HSPG2: variants seen among roughly 807,000 people sequenced by gnomAD.
The protein encoded by HSPG2 is basement membrane-specific heparan sulfate proteoglycan core protein.
In HSPG2, 278 loss-of-function variants were observed where a neutral mutation model predicts 526.6. The ratio of observed to expected loss-of-function variants is 0.53; its 90% CI spans 0.48 to 0.58. The LOEUF (loss-of-function observed/expected upper bound fraction) is 0.58. Ranked by LOEUF, HSPG2 falls within the 20% of genes least tolerant of loss-of-function variation. The probability of loss-of-function intolerance (pLI) is 0.00; values close to 1 mark genes in which losing one functional copy is unlikely to be tolerated. For missense variants in HSPG2, 5,354 were observed against 6,099.5 expected, an observed-to-expected ratio of 0.88 and a Z score of 4.07; for synonymous variants, 2,465 against 2,555.4, an observed-to-expected ratio of 0.96 and a Z score of 1.07.
At position 21,846,169 on chromosome 1, in the gene HSPG2, G is replaced by A; in HGVS notation, c.8403C>T (p.Pro2801=). ...TGGTGACCAGGACTGAGGCCTCCAG[G>A]GGGCCAGAGCTGCCCATCACCCGGC... ...YVCRVMGSSG[P]LEASVLVTIE... is the part of the protein sequence containing the mutation. The change falls in exon 64 of 97, where the codon CCC becomes CCT. Residue 2801 remains proline (P), a synonymous_variant. Coordinates refer to ENST00000374695, the MANE Select transcript of HSPG2 (RefSeq NM_005529.7). 2 of 1,613,128 alleles carry A rather than the reference G, an allele frequency of 1.2e-6. No homozygotes were observed. Among genetic ancestry groups the A allele is most frequent in the Non-Finnish European group, 1.7e-6 (2 of 1,180,034 alleles).
At chr1:21,880,902 G>A (rs1572345630) in intron 14 of HSPG2, 67 bp from the exon 15 acceptor site, 3 of 1,455,066 alleles carry the variant, frequency 2.1e-6, no homozygotes, top group South Asian at 1.2e-5. Context: ...CCTATGAGGT[G>A]CCTATAGTCT....
chr1:21,932,513 C>T (rs568263950), intron 1 of HSPG2, among the ~76,000 whole-genome samples: 1 of 152,186 alleles, frequency 6.6e-6, no homozygotes, highest in East Asian at 1.9e-4. Flanking sequence ...TGAACAAAAA[C>T]AAATGAGGTC....
In HSPG2 at chr1:21,823,442, T is replaced by C. The variant is rs897467; in HGVS notation, c.13050A>G (p.Ser4350=). ...VATLTGGRFS[S]GITGCVKNLV... is the part of the protein sequence containing the mutation. Reference sequence around the variant, plus strand: ...GGTTCTTGACACAGCCTGTGATGCCTGAGGAGAATCTGCCCCCGGTCAGCG... The same window carrying C: ...GGTTCTTGACACAGCCTGTGATGCCCGAGGAGAATCTGCCCCCGGTCAGCG... The change falls in exon 97 of 97, where the codon TCA becomes TCG. Residue 4350 remains serine, a synonymous_variant. Coordinates refer to ENST00000374695, the MANE Select transcript of HSPG2 (RefSeq NM_005529.7). The C allele has an allele frequency of 0.82, 1,299,055 of 1,589,942 alleles. 531,358 individuals carry two copies. The highest frequency in any genetic ancestry group is 0.86 in the Middle Eastern group (5,212 of 6,048).
rs2098038901 is a variant in HSPG2 at position 21,839,214 on chromosome 1, C to T, written c.9890-129G>A. Reference sequence around the variant, plus strand: ...GACTGGGGATAAGGAAAGCAAAGGTCCCAGGCCAGGGTGTGGGTGTCGGGC... The same window carrying T: ...GACTGGGGATAAGGAAAGCAAAGGTTCCAGGCCAGGGTGTGGGTGTCGGGC... On this transcript the variant is annotated intron_variant, in intron 73 of 96. Transcript: ENST00000374695. This position sits in a 1 kb window ranked among gnomAD's most constrained non-coding sequence, Gnocchi z 4.5. The T allele has an allele frequency of 1.2e-5, 17 of 1,447,880 alleles. No homozygotes were observed. The highest frequency in any genetic ancestry group is 1.5e-5 in the Non-Finnish European group (16 of 1,059,100). 89.7% of individuals were successfully genotyped at this position (1,447,880 alleles called of 1,614,324 possible).
At chr1:21,896,019 T>C in intron 2 of HSPG2, 53 bp from the exon 3 acceptor site, 1 of 1,600,262 alleles carries the variant, frequency 6.2e-7, no homozygotes, top group Non-Finnish European at 8.6e-7. Context: ...GTTGAGTACC[T>C]ACTGGGTGTC....
At position 21,848,857 on chromosome 1, in the gene HSPG2, G is replaced by T; in HGVS notation, c.7585+36C>A. The T allele has an allele frequency of 6.2e-7, 1 of 1,613,132 alleles. No homozygotes were observed. The highest frequency in any genetic ancestry group is 1.1e-5 in the South Asian group (1 of 91,078). On this transcript the variant is annotated intron_variant, in intron 58 of 96. Coordinates refer to ENST00000374695, the MANE Select transcript of HSPG2 (RefSeq NM_005529.7). The surrounding 1 kb of genome is among the most constrained non-coding windows in gnomAD (Gnocchi z 4.9). The stretch of plus-strand genomic sequence containing the variant: ...CTGAGGGTGCAGTCGGGGTCCCCCA[G>T]CCCTCCACCATTTGCATGACCCCCG...
rs1293812330 is a variant in HSPG2 at position 21,860,098 on chromosome 1, C to A, written c.5014+79G>T. On this transcript the variant is annotated intron_variant, in intron 40 of 96. Transcript: ENST00000374695. Reference sequence around the variant, plus strand: ...GGGGTACCCCACCCTCAGCCCTGTCCCCAGACCCAGTATCCCCCAAATTCC... The same window carrying A: ...GGGGTACCCCACCCTCAGCCCTGTCACCAGACCCAGTATCCCCCAAATTCC... The A allele has an allele frequency of 3.1e-6, 5 of 1,603,196 alleles. No individual in the cohort carries two copies. The African/African-American group carries it at 6.7e-5, about 21-fold the overall frequency.
rs538939194 is a variant in HSPG2, at chr1:21,904,241, T to A, written c.64-7931A>T. Among the ~76,000 whole-genome samples the A allele has an allele frequency of 9.2e-5, 14 of 152,154 alleles. No individual in the cohort carries two copies. The highest frequency in any genetic ancestry group is 6.2e-4 in the South Asian group (3 of 4,824). On this transcript the variant is annotated intron_variant, in intron 1 of 96. Coordinates refer to ENST00000374695, the MANE Select transcript of HSPG2 (RefSeq NM_005529.7). This position sits in a 1 kb window ranked among gnomAD's most constrained non-coding sequence, Gnocchi z 4.4. ...GGTGGCTGGGAGGCTGGGGAAGATT[T>A]CCAGAAGAAATGCTAACTCAGCTGG...
rs191644133 is a variant in HSPG2, at chr1:21,865,854, T to C, written c.4222-45A>G. On this transcript the variant is annotated intron_variant, in intron 33 of 96. Coordinates refer to ENST00000374695, the MANE Select transcript of HSPG2 (RefSeq NM_005529.7). This position sits in a 1 kb window ranked among gnomAD's most constrained non-coding sequence, Gnocchi z 5.4. ...GAGGTCACAGGCTGACCTTGGGGTG[T>C]GAGTGTTGGACCATATAGGTGAGGG... is the stretch of plus-strand genomic sequence containing the variant. The C allele has an allele frequency of 2.7e-6, 4 of 1,472,880 alleles. No homozygotes were observed. In the East Asian group the frequency reaches 6.8e-5, roughly 25 times the overall value. 91.2% of individuals were successfully genotyped at this position (1,472,880 alleles called of 1,614,324 possible).
chr1:21,924,469 G>C (rs1644130693), intron 1 of HSPG2, among the ~76,000 whole-genome samples: 1 of 152,156 alleles, frequency 6.6e-6, no homozygotes, highest in African/African-American at 2.4e-5. Flanking sequence ...TCAGGCCCCA[G>C]AGAATGGAAC....
At position 21,836,849 on chromosome 1, in the gene HSPG2, T is replaced by A; in HGVS notation, c.10308A>T (p.Glu3436Asp). 1 of 1,582,518 alleles carries A rather than the reference T, an allele frequency of 6.3e-7. No individual in the cohort carries two copies. ...TGTGACCCGGAGGCAGCTGACCCCC[T>A]TCCTTGAACCAACGGAGCTGGGTAC... ...DRGTQLRWFKEGGQLPPGHSV... is the reference protein window; with the variant it reads ...DRGTQLRWFKDGGQLPPGHSV... Residue 3436 changes from glutamate to aspartate, a missense_variant, in exon 75 of 97, where the codon GAA becomes GAT. Transcript: ENST00000374695.
rs1394022285 is a variant in HSPG2 at position 21,887,010 on chromosome 1, T to TACA, written c.1078+204_1078+205insTGT. Among the ~76,000 whole-genome samples, 2 of 152,094 alleles carry TACA rather than the reference T, an allele frequency of 1.3e-5. No homozygotes were observed. The highest frequency in any genetic ancestry group is 4.8e-5 in the African/African-American group (2 of 41,406). On this transcript the variant is annotated intron_variant, in intron 9 of 96. Coordinates refer to ENST00000374695, the MANE Select transcript of HSPG2 (RefSeq NM_005529.7). This position sits in a 1 kb window ranked among gnomAD's most constrained non-coding sequence, Gnocchi z 5.0. ...AGGCCAGCTCAGGGCCAAGGGGCCT[T>TACA]ACGGCTCTGGTTAGAGATAAACCTT...
In HSPG2 at chr1:21,846,513, G is replaced by C; in HGVS notation, c.8251C>G (p.Pro2751Ala). Residue 2751 changes from proline to alanine, a missense_variant, in exon 63 of 97, where the codon CCC becomes GCC. Transcript: ENST00000374695. ...GETLDLNCVVPGQAHAQVTWH... is the reference protein window; with the variant it reads ...GETLDLNCVVAGQAHAQVTWH... Reference sequence around the variant, plus strand: ...GTGACCTGGGCATGGGCCTGCCCGGGGACCACGCAGTTCAGATCCAGGGTC... The same window carrying C: ...GTGACCTGGGCATGGGCCTGCCCGGCGACCACGCAGTTCAGATCCAGGGTC... 6.2e-7 allele frequency: 1 copy of C among 1,613,772 alleles called. No individual in the cohort carries two copies. The highest frequency in any genetic ancestry group is 8.5e-7 in the Non-Finnish European group (1 of 1,180,044).
rs556700159 is a variant in HSPG2, at chr1:21,847,459, A to G, written c.8059T>C (p.Ser2687Pro). The G allele has an allele frequency of 3.1e-6, 5 of 1,613,600 alleles. No individual in the cohort carries two copies. The East Asian group carries it at 8.9e-5, about 29-fold the overall frequency. Residue 2687 changes from serine (S) to proline (P), a missense_variant, in exon 62 of 97, where the codon TCT becomes CCT. By Grantham distance (74) the Ser-to-Pro change is moderately conservative (BLOSUM62 -1). Coordinates refer to ENST00000374695, the MANE Select transcript of HSPG2 (RefSeq NM_005529.7). The surrounding 1 kb of genome is among the most constrained non-coding windows in gnomAD (Gnocchi z 4.1). ...HGSHLRLHQM[S>P]VADSGEYVCR... The stretch of plus-strand genomic sequence containing the variant: ...ACATACTCGCCCGAGTCAGCCACAG[A>G]CATTTGGTGCAACCGCAGGTGGGAG...
intron 1 of HSPG2, among the ~76,000 whole-genome samples, chr1:21,935,672 T>C (rs1644469975): frequency 6.6e-6 from 1 of 152,138 alleles, no homozygotes; most frequent in Admixed American, 6.5e-5. Flanking sequence ...CACCCGGGCA[T>C]GGAGGAGCCC....
Position 21,833,864 on chromosome 1 carries a change from G to A in HSPG2, c.10782C>T (p.Phe3594=), listed in dbSNP as rs768692139. The A allele has an allele frequency of 5.6e-6, 9 of 1,604,912 alleles. No individual in the cohort carries two copies. In the South Asian group the frequency reaches 9.0e-5, roughly 16 times the overall value. The part of the protein sequence containing the change: ...VRVPAGSAAV[F]PCIASGYPTP... ...TGGGGTAGCCTGAGGCTATGCAGGG[G>A]AAGACAGCTGCAGAACCAGCAGGCA... The change falls in exon 78 of 97, where the codon TTC becomes TTT. Residue 3594 remains phenylalanine (F), a synonymous_variant. Transcript: ENST00000374695.
Position 21,878,476 on chromosome 1 carries a change from G to A in HSPG2, c.2574C>T (p.Tyr858=), listed in dbSNP as rs748833753. 5.6e-6 allele frequency: 9 copies of A among 1,611,450 alleles called. No homozygotes were observed. Among genetic ancestry groups the A allele is most frequent in the South Asian group, 4.4e-5 (4 of 90,858 alleles). ...CGCCGGGCTGGATGGGGTTGCCCTC[G>A]TATCCGGGGGCACAGCTAGGGGAGA... ...GRRCESCAPG[Y]EGNPIQPGGK... Residue 858 remains tyrosine (Y), a synonymous_variant, in exon 20 of 97, where the codon TAC becomes TAT. Transcript: ENST00000374695.
chr1:21,841,663 G>A lies in HSPG2; in HGVS notation c.9204C>T (p.His3068=). ...TGATGATGGAGCCATTGGGACTGAT[G>A]TGGACGTTGTCTGTGAGGTTGCATG... is the stretch of plus-strand genomic sequence containing the variant. The part of the protein sequence containing the change: ...TRNQELEDNV[H]ISPNGSIITI... Residue 3068 remains histidine (H), a synonymous_variant, in exon 70 of 97, where the codon CAC becomes CAT. Coordinates refer to ENST00000374695, the MANE Select transcript of HSPG2 (RefSeq NM_005529.7). 6.2e-7 allele frequency: 1 copy of A among 1,614,178 alleles called. No individual in the cohort carries two copies. The highest frequency in any genetic ancestry group is 8.5e-7 in the Non-Finnish European group (1 of 1,180,034).
chr1:21,872,536 G>T lies in HSPG2; in HGVS notation c.4029+84C>A. 1.3e-6 allele frequency: 2 copies of T among 1,507,574 alleles called. No homozygotes were observed. Among genetic ancestry groups the T allele is most frequent in the South Asian group, 1.2e-5 (1 of 82,924 alleles). The allele number at this position is 1,507,574 out of a possible 1,614,324, so 93.4% of individuals were successfully genotyped here. On this transcript the variant is annotated intron_variant, in intron 32 of 96. Transcript: ENST00000374695. The surrounding 1 kb of genome is among the most constrained non-coding windows in gnomAD (Gnocchi z 5.5). Reference sequence around the variant, plus strand: ...TGTGAGGGTACTGAGGCGGGGATGAGGGTCGCTGGGCTCAGTGCTCAGATG... The same window carrying T: ...TGTGAGGGTACTGAGGCGGGGATGATGGTCGCTGGGCTCAGTGCTCAGATG...
Sources: allele counts gnomAD v4.1 joint callset (sites outside exome capture counted in the v4.1 genomes callset), GRCh38; gene constraint gnomAD v4.1.1; non-coding constraint Gnocchi (gnomAD v3.1); transcripts MANE v1.5; gene names NCBI Gene and HGNC (gene_info 2026-07-23, HGNC 2026-07-21).